Variants in GPR176 observed in about 807,000 individuals in gnomAD.
GPR176 encodes the protein G protein-coupled receptor 176.
A neutral mutation model predicts 35.4 loss-of-function variants in GPR176; 26 were observed. The ratio of observed to expected loss-of-function variants is 0.74; its 90% CI spans 0.54 to 1.02. The LOEUF (loss-of-function observed/expected upper bound fraction) is 1.02, where lower values mean the gene tolerates loss of function less well. Among genes scored for constraint, GPR176 ranks in the 50% least tolerant of loss-of-function variants. The pLI is 0.00. For synonymous variants in GPR176, 278 were observed against 271.3 expected, an observed-to-expected ratio of 1.02 and a Z score of -0.24; for missense variants, 597 against 665.3, an observed-to-expected ratio of 0.90 and a Z score of 1.13.
Position 39,801,475 on chromosome 15 carries a change from G to A in GPR176, c.1205C>T (p.Ala402Val). The change falls in exon 3 of 3, where the codon GCC becomes GTC. Residue 402 changes from alanine to valine, a missense_variant. Physicochemically the swap from Ala to Val is moderately conservative, Grantham distance 64. Transcript: ENST00000561100. ...AKYIGSADFQ[A>V]KEIFSTCLEG... ...CAGGCAGGTGCTAAATATCTCCTTG[G>A]CCTGGAAGTCAGCTGAGCCAATGTA... 6.2e-7 allele frequency: 1 copy of A among 1,614,094 alleles called. No individual in the cohort carries two copies.
At chr15:39,864,031 T>C (rs1308157615) in intron 1 of GPR176, among the ~76,000 whole-genome samples, 3 of 152,222 alleles carry the variant, frequency 2.0e-5, no homozygotes, top group African/African-American at 7.2e-5. Context: ...TTCCCTTGAA[T>C]AATTTTTGAA....
intron 1 of GPR176, among the ~76,000 whole-genome samples, chr15:39,837,618 T>C (rs898272442): frequency 6.6e-5 from 10 of 152,154 alleles, no homozygotes; most frequent in African/African-American, 2.4e-4. Context: ...GTGATACTAG[T>C]AGTGGTAACA....
At chr15:39,892,296 C>T (rs1349023721) in intron 1 of GPR176, among the ~76,000 whole-genome samples, 1 of 152,142 alleles carries the variant, frequency 6.6e-6, no homozygotes, top group Non-Finnish European at 1.5e-5. Context: ...AGCAGACAAA[C>T]TTAAACCAAA....
intron 1 of GPR176, among the ~76,000 whole-genome samples, chr15:39,832,357 T>C (rs963410153): frequency 2.0e-5 from 3 of 152,106 alleles, no homozygotes; most frequent in Admixed American, 1.3e-4. Context: ...TTCAGTATAT[T>C]TGTTTCCAAT....
At chr15:39,879,404 A>G (rs962458922) in intron 1 of GPR176, among the ~76,000 whole-genome samples, 1 of 152,192 alleles carries the variant, frequency 6.6e-6, no homozygotes, top group African/African-American at 2.4e-5. Context: ...TGATATTTAG[A>G]TGCCTGTGGG....
chr15:39,897,677 A>C (rs1189207155), intron 1 of GPR176, among the ~76,000 whole-genome samples: 3 of 139,336 alleles, frequency 2.2e-5, no homozygotes, highest in Non-Finnish European at 4.5e-5. Context: ...GCAGTGGCGC[A>C]ATCTCGGCTC....
In GPR176 at chr15:39,807,098, G is replaced by A. The variant is rs1468439812; in HGVS notation, c.333C>T (p.Ile111=). 6.2e-7 allele frequency: 1 copy of A among 1,613,806 alleles called. No homozygotes were observed. Among genetic ancestry groups the A allele is most frequent in the South Asian group, 1.1e-5 (1 of 91,052 alleles). ...LSTSPHCCWW[I]YTMLFCKVVK... ...CGACCTTGCAGAAGAGCATGGTGTA[G>A]ATCCACCAGCAACAGTGAGGACTGG... is the stretch of plus-strand genomic sequence containing the variant. Residue 111 remains isoleucine (I), a synonymous_variant, in exon 2 of 3, where the codon ATC becomes ATT. Coordinates refer to ENST00000561100, the MANE Select transcript of GPR176 (RefSeq NM_007223.3).
chr15:39,914,673 T>C (rs915462043), intron 1 of GPR176, among the ~76,000 whole-genome samples: 3 of 152,196 alleles, frequency 2.0e-5, no homozygotes, highest in Non-Finnish European at 4.4e-5. Context: ...AGAAACTCCA[T>C]GTAGAAGTAA....
chr15:39,856,451 T>G (rs1270611837), intron 1 of GPR176, among the ~76,000 whole-genome samples: 1 of 152,194 alleles, frequency 6.6e-6, no homozygotes, highest in Non-Finnish European at 1.5e-5. Flanking sequence ...GTAGTTGGGC[T>G]GGTGGTCTGG....
chr15:39,892,309 C>T (rs1232783141), intron 1 of GPR176, among the ~76,000 whole-genome samples: 1 of 152,156 alleles, frequency 6.6e-6, no homozygotes, highest in Admixed American at 6.5e-5. Flanking sequence ...AAACCAAATA[C>T]AGTAGGCATG....
intron 1 of GPR176, among the ~76,000 whole-genome samples, chr15:39,880,884 T>C (rs2032447804): frequency 6.6e-6 from 1 of 152,172 alleles, no homozygotes; most frequent in Non-Finnish European, 1.5e-5. Context: ...ATAATTAGTC[T>C]CCCTACTTCT....
chr15:39,863,768 A>G lies in GPR176; in HGVS notation c.172+56087T>C, dbSNP rs79255964. Among the ~76,000 whole-genome samples the G allele has an allele frequency of 2.8e-4, 42 of 152,352 alleles. 2 individuals are homozygous for G. In the East Asian group the frequency reaches 8.1e-3, roughly 29 times the overall value. ...TACTCTACCTTTTTATGTTAGATAC[A>G]CAAATACTTAACCACTGTGTAATAA... On this transcript the variant is annotated intron_variant, in intron 1 of 2. Transcript: ENST00000561100.
At chr15:39,913,693 T>C (rs1299681099) in intron 1 of GPR176, among the ~76,000 whole-genome samples, 1 of 152,112 alleles carries the variant, frequency 6.6e-6, no homozygotes, top group Non-Finnish European at 1.5e-5. Context: ...TATGGGATGA[T>C]AAAAACCTTC....
chr15:39,891,458 A>G (rs2032869700), intron 1 of GPR176, among the ~76,000 whole-genome samples: 1 of 152,038 alleles, frequency 6.6e-6, no homozygotes. Flanking sequence ...AGCTCAAGCG[A>G]TCCTCTCATT....
chr15:39,893,574 A>G (rs1039679140), intron 1 of GPR176, among the ~76,000 whole-genome samples: 4 of 152,216 alleles, frequency 2.6e-5, no homozygotes, highest in African/African-American at 9.7e-5. Flanking sequence ...TCTATTCCAC[A>G]AAGCCGCCAT....
chr15:39,860,492 T>C (rs966025581), intron 1 of GPR176, among the ~76,000 whole-genome samples: 9 of 152,246 alleles, frequency 5.9e-5, no homozygotes, highest in Non-Finnish European at 8.8e-5. Flanking sequence ...ATGGCAAATA[T>C]TCCCAATCAT....
At chr15:39,885,196 G>C (rs1435439012) in intron 1 of GPR176, among the ~76,000 whole-genome samples, 2 of 152,096 alleles carry the variant, frequency 1.3e-5, no homozygotes, top group Non-Finnish European at 2.9e-5. Context: ...CAACCTCAAA[G>C]AGCATTTGAA....
chr15:39,818,632 G>A (rs1196292677), intron 1 of GPR176, among the ~76,000 whole-genome samples: 1 of 152,202 alleles, frequency 6.6e-6, no homozygotes, highest in African/African-American at 2.4e-5. Flanking sequence ...TAGCAATAAT[G>A]GTATCCCAAA....
chr15:39,891,487 G>C (rs757422930), intron 1 of GPR176, among the ~76,000 whole-genome samples: 3 of 152,128 alleles, frequency 2.0e-5, no homozygotes, highest in Non-Finnish European at 1.5e-5. Flanking sequence ...CCAAGTAGCT[G>C]AGACTACAGG....
Sources: allele counts gnomAD v4.1 joint callset (sites outside exome capture counted in the v4.1 genomes callset), GRCh38; gene constraint gnomAD v4.1.1; transcripts MANE v1.5; gene names NCBI Gene and HGNC (gene_info 2026-07-23, HGNC 2026-07-21).